The following ATP10B variants were observed in gnomAD, a reference collection of about 807,000 sequenced individuals.
ATP10B encodes the protein ATPase phospholipid transporting 10B (putative).
In ATP10B, 122 loss-of-function variants were observed where a neutral mutation model predicts 141.2. The ratio of observed to expected loss-of-function variants is 0.86; its 90% CI spans 0.75 to 1.00. The LOEUF is 1.00. Ranked by LOEUF, ATP10B falls within the 50% of genes least tolerant of loss-of-function variation. ATP10B has a pLI of 0.00. For synonymous variants in ATP10B, 685 were observed against 692.0 expected, an observed-to-expected ratio of 0.99 and a Z score of 0.16; for missense variants, 1,876 against 1,825.3, an observed-to-expected ratio of 1.03 and a Z score of -0.51.
At chr5:160,820,642 AC>A (rs1460968956) in intron 1 of ATP10B, among the ~76,000 whole-genome samples, 4 of 152,158 alleles carry the variant, frequency 2.6e-5, no homozygotes, top group African/African-American at 7.2e-5. Context: ...AAAATCCTCA[AC>A]AAAATATTAG....
intron 7 of ATP10B, among the ~76,000 whole-genome samples, chr5:160,652,946 TAATATA>T (rs1760967059): frequency 1.2e-5 from 1 of 83,332 alleles, no homozygotes; most frequent in Admixed American, 1.8e-4. Context: ...CATGTATATA[TAATATA>T]TTATATATAC....
intron 1 of ATP10B, among the ~76,000 whole-genome samples, chr5:160,828,166 TA>T (rs2127972592): frequency 6.6e-6 from 1 of 152,208 alleles, no homozygotes; most frequent in East Asian, 1.9e-4. Flanking sequence ...ACTTCATGTC[TA>T]AAACACCAAA....
intron 1 of ATP10B, among the ~76,000 whole-genome samples, chr5:160,809,242 G>A (rs765971556): frequency 1.3e-5 from 2 of 152,232 alleles, no homozygotes; most frequent in East Asian, 1.9e-4. Flanking sequence ...AAAATTCTTA[G>A]CCTGTAGGCC....
chr5:160,727,285 C>T (rs1032318605), intron 2 of ATP10B, among the ~76,000 whole-genome samples: 5 of 152,240 alleles, frequency 3.3e-5, no homozygotes, highest in African/African-American at 1.2e-4. Context: ...TCATCATTTT[C>T]CACAGGAGAA....
chr5:160,733,289 T>A (rs1168432118), intron 2 of ATP10B, among the ~76,000 whole-genome samples: 1 of 152,042 alleles, frequency 6.6e-6, no homozygotes, highest in East Asian at 1.9e-4. Flanking sequence ...GAATAGAGAG[T>A]GAATAAGCAA....
At chr5:160,597,077 G>A (rs1339038753) in intron 22 of ATP10B, among the ~76,000 whole-genome samples, 2 of 151,992 alleles carry the variant, frequency 1.3e-5, no homozygotes, top group Non-Finnish European at 2.9e-5. Context: ...AAAAGAGCCC[G>A]CATTGCCAAG....
At chr5:160,804,749 T>C (rs1342413026) in intron 1 of ATP10B, among the ~76,000 whole-genome samples, 2 of 152,228 alleles carry the variant, frequency 1.3e-5, no homozygotes, top group East Asian at 3.8e-4. Context: ...TGTTGGACCT[T>C]GGGATATGTG....
At chr5:160,828,523 G>A (rs1050338180) in intron 1 of ATP10B, among the ~76,000 whole-genome samples, 7 of 151,960 alleles carry the variant, frequency 4.6e-5, no homozygotes, top group Admixed American at 4.6e-4. Flanking sequence ...TCTCACACCA[G>A]TTAGAATGGC....
intron 17 of ATP10B, chr5:160,614,479 T>G (rs1757893007): frequency 6.6e-6 from 1 of 152,204 alleles, no homozygotes; most frequent in Admixed American, 6.5e-5. Flanking sequence ...ATCAGGAGCC[T>G]GAATGGGATG....
intron 15 of ATP10B, among the ~76,000 whole-genome samples, chr5:160,618,372 T>G (rs947056322): frequency 6.6e-6 from 1 of 152,220 alleles, no homozygotes; most frequent in Non-Finnish European, 1.5e-5. Flanking sequence ...CTAAGGTGTT[T>G]TTAGTTGATC....
At chr5:160,873,876 A>G in the ATP10B span, among the ~76,000 whole-genome samples, 986 of 152,346 alleles carry the variant, frequency 6.5e-3, 16 homozygotes, top group African/African-American at 0.023. Context: ...CCTGGCTCGG[A>G]GGGTCCTACA....
Position 160,655,894 on chromosome 5 carries a change from G to T in ATP10B, c.676-6638C>A, listed in dbSNP as rs140904624. 2.0e-3 allele frequency among the ~76,000 whole-genome samples: 310 copies of T among 152,288 alleles called. 1 individual carries two copies. Among genetic ancestry groups the T allele is most frequent in the African/African-American group, 7.1e-3 (294 of 41,570 alleles). On this transcript the variant is annotated intron_variant, in intron 7 of 25. Transcript: ENST00000327245. ...GCCATAAGACAACTCAAAGTTCCCAGTCCGGCTCAGATGTGTCAATAGCGG... is the reference window on the plus strand; with the variant it reads ...GCCATAAGACAACTCAAAGTTCCCATTCCGGCTCAGATGTGTCAATAGCGG...
At chr5:160,905,189 C>A in the ATP10B span, among the ~76,000 whole-genome samples, 1 of 152,216 alleles carries the variant, frequency 6.6e-6, no homozygotes, top group Non-Finnish European at 1.5e-5. Flanking sequence ...AGCCTAATGT[C>A]AGACAGCTAG....
chr5:160,802,762 G>T (rs1772467355), intron 1 of ATP10B, among the ~76,000 whole-genome samples: 1 of 152,184 alleles, frequency 6.6e-6, no homozygotes, highest in Non-Finnish European at 1.5e-5. Flanking sequence ...GGGCAGCTTG[G>T]TTTCAGACTT....
intron 1 of ATP10B, among the ~76,000 whole-genome samples, chr5:160,796,203 G>T (rs1347619157): frequency 6.6e-6 from 1 of 152,180 alleles, no homozygotes; most frequent in East Asian, 1.9e-4. Flanking sequence ...CATGGCCACC[G>T]CTACTTCTCC....
chr5:160,613,907 C>T (rs531325612), intron 17 of ATP10B: 18 of 152,290 alleles, frequency 1.2e-4, no homozygotes, highest in South Asian at 6.2e-4. Context: ...GGCAGGAGCA[C>T]GGCATTTTGT....
chr5:160,868,521 TA>T, the ATP10B span, among the ~76,000 whole-genome samples: 1 of 130,322 alleles, frequency 7.7e-6, no homozygotes, highest in African/African-American at 2.9e-5. Context: ...TATGAACAGA[TA>T]CACACACACA....
chr5:160,741,784 G>T (rs998257698), intron 2 of ATP10B, among the ~76,000 whole-genome samples: 17 of 152,196 alleles, frequency 1.1e-4, no homozygotes, highest in Non-Finnish European at 1.9e-4. Context: ...ATTAGGGACA[G>T]ATCTGGAGAC....
Position 160,835,584 on chromosome 5 carries a change from G to A in ATP10B, c.-576+16357C>T, listed in dbSNP as rs542553421. Among the ~76,000 whole-genome samples, 10 of 152,272 alleles carry A rather than the reference G, an allele frequency of 6.6e-5. No individual in the cohort carries two copies. The South Asian group carries it at 1.5e-3, about 22-fold the overall frequency. On this transcript the variant is annotated intron_variant, in intron 1 of 25. Transcript: ENST00000327245. ...CCTCAGGGGTTAAGGATAAAGGCAA[G>A]CTTGGGGCACACACAGCATTGTGAG...
Sources: allele counts gnomAD v4.1 joint callset (sites outside exome capture counted in the v4.1 genomes callset), GRCh38; gene constraint gnomAD v4.1.1; transcripts MANE v1.5; gene names NCBI Gene and HGNC (gene_info 2026-07-23, HGNC 2026-07-21).